The following PIWIL2 variants were observed in gnomAD, a reference collection of about 807,000 sequenced individuals.
PIWIL2 encodes the protein piwi like RNA-mediated gene silencing 2, also known as piwi-like protein 2.
Under a neutral mutation model 116.5 loss-of-function variants are expected in PIWIL2, and 81 were observed. That is an observed-to-expected ratio of 0.70 (90% CI 0.58 to 0.84). PIWIL2 has a LOEUF of 0.84. Ranked by LOEUF, PIWIL2 falls within the 40% of genes least tolerant of loss-of-function variation. The pLI is 0.00. For synonymous variants in PIWIL2, 489 were observed against 429.5 expected, an observed-to-expected ratio of 1.14 and a Z score of -1.71; for missense variants, 1,272 against 1,212.3, an observed-to-expected ratio of 1.05 and a Z score of -0.73.
chr8:22,310,145 G>T, intron 15 of PIWIL2, 71 bp downstream of exon 15: 1 of 789,314 alleles, frequency 1.3e-6, no homozygotes, highest in South Asian at 1.6e-5. Context: ...AAGCAGGAAT[G>T]ATCTAGAGTC....
chr8:22,312,664 A>G (rs956611168), intron 16 of PIWIL2, among the ~76,000 whole-genome samples: 11 of 151,948 alleles, frequency 7.2e-5, no homozygotes, highest in African/African-American at 2.7e-4. Context: ...TTTAGACACA[A>G]AGTCTTGACT....
chr8:22,328,822 T>TTG (rs1465101894), intron 20 of PIWIL2, among the ~76,000 whole-genome samples: 1 of 150,640 alleles, frequency 6.6e-6, no homozygotes, highest in East Asian at 1.9e-4. Context: ...CTAGTCGTTT[T>TTG]TTTTTTTTTT....
At chr8:22,343,138 C>T (rs1198214648) in intron 20 of PIWIL2, among the ~76,000 whole-genome samples, 2 of 152,046 alleles carry the variant, frequency 1.3e-5, no homozygotes, top group South Asian at 2.1e-4. Flanking sequence ...CGCAGTGGCT[C>T]ACACCTGTAA....
chr8:22,286,556 C>T (rs1830632829), intron 6 of PIWIL2, among the ~76,000 whole-genome samples: 1 of 151,938 alleles, frequency 6.6e-6, no homozygotes, highest in African/African-American at 2.4e-5. Context: ...TTAGGGAGGC[C>T]GAGGAGGGAG....
intron 20 of PIWIL2, among the ~76,000 whole-genome samples, chr8:22,324,847 C>T (rs1293238357): frequency 2.0e-5 from 3 of 152,128 alleles, no homozygotes; most frequent in Non-Finnish European, 4.4e-5. Context: ...AATCTGAAGA[C>T]ACGGAGAACA....
intron 20 of PIWIL2, among the ~76,000 whole-genome samples, chr8:22,319,657 C>T (rs921509820): frequency 2.0e-5 from 3 of 152,180 alleles, no homozygotes; most frequent in Non-Finnish European, 2.9e-5. Flanking sequence ...CAAGGCACAG[C>T]CGAGGGCTCC....
In PIWIL2 at chr8:22,311,260, A is replaced by G. The variant is rs762282348; in HGVS notation, c.1949A>G (p.Glu650Gly). The G allele has an allele frequency of 1.2e-6, 2 of 1,614,120 alleles. No individual in the cohort carries two copies. The highest frequency in any genetic ancestry group is 2.2e-5 in the East Asian group (1 of 44,882). ...GTTGAACTAAAGGATGACCGAATAG[A>G]GACTTATGTCAGAACCATTCAATCC... is the stretch of plus-strand genomic sequence containing the variant. ...AWVELKDDRI[E>G]TYVRTIQSTL... Residue 650 changes from glutamate to glycine, a missense_variant, in exon 16 of 23, where the codon GAG (glutamate) becomes GGG (glycine). Coordinates refer to ENST00000356766, the MANE Select transcript of PIWIL2 (RefSeq NM_018068.5).
At chr8:22,306,211 A>C (rs1027497778) in intron 13 of PIWIL2, among the ~76,000 whole-genome samples, 195 bp downstream of exon 13, 1 of 152,248 alleles carries the variant, frequency 6.6e-6, no homozygotes, top group Non-Finnish European at 1.5e-5. Context: ...CACGATGTGA[A>C]AAAGCATATC....
chr8:22,306,864 C>G (rs976637287), intron 13 of PIWIL2, among the ~76,000 whole-genome samples: 1 of 152,214 alleles, frequency 6.6e-6, no homozygotes, highest in African/African-American at 2.4e-5. Context: ...CCCCTGTAGA[C>G]TTACTGACCC....
At chr8:22,311,479 C>T (rs772925076) in intron 16 of PIWIL2, among the ~76,000 whole-genome samples, 179 bp downstream of exon 16, 1 of 152,202 alleles carries the variant, frequency 6.6e-6, no homozygotes, top group Non-Finnish European at 1.5e-5. Context: ...AATTTTGCTT[C>T]TCTCACTCTG....
chr8:22,287,648 GA>G lies in PIWIL2; in HGVS notation c.861+4del. ...ATCTGCCTGTTAAGCTTCAACAAGT[GA>G]GACCAAACAGGAAATGGACTTTGAG... On this transcript the variant is annotated splice_donor_region_variant and intron_variant, in intron 7 of 22. Transcript: ENST00000356766. 6.5e-7 allele frequency: 1 copy of G among 1,548,216 alleles called. No homozygotes were observed. Among genetic ancestry groups the G allele is most frequent in the Non-Finnish European group, 8.9e-7 (1 of 1,119,846 alleles).
intron 20 of PIWIL2, among the ~76,000 whole-genome samples, chr8:22,351,536 GT>G (rs571729759): frequency 0.08 from 8,173 of 102,658 alleles, 336 homozygotes; most frequent in Admixed American, 0.13. Context: ...TTTTTTTTTT[GT>G]TTTTTTGTTT....
At chr8:22,296,900 C>A (rs1402809382) in intron 10 of PIWIL2, among the ~76,000 whole-genome samples, 1 of 152,082 alleles carries the variant, frequency 6.6e-6, no homozygotes, top group Non-Finnish European at 1.5e-5. Context: ...AAATGTTTTC[C>A]AACTTGCCTT....
In PIWIL2 at chr8:22,357,101, A is replaced by C. The variant is rs1374847924; in HGVS notation, c.*1596A>C. ...CGTAAAATGTGCTCACTTCAGCAGC[A>C]CATATACTAAAATTAAAATGATATA... On this transcript the variant is annotated 3_prime_UTR_variant, in exon 23 of 23. Transcript: ENST00000356766. 1.3e-5 allele frequency: 2 copies of C among 152,256 alleles called. No individual in the cohort carries two copies. The highest frequency in any genetic ancestry group is 4.8e-5 in the African/African-American group (2 of 41,472). 9.4% of individuals were successfully genotyped at this position (152,256 alleles called of 1,614,324 possible).
At chr8:22,285,273 A>G (rs1488739624) in intron 6 of PIWIL2, among the ~76,000 whole-genome samples, 1 of 152,176 alleles carries the variant, frequency 6.6e-6, no homozygotes, top group Non-Finnish European at 1.5e-5. Context: ...CTCTCTGTTC[A>G]CAATGAGTTC....
rs1563437733 is a variant in PIWIL2, at chr8:22,353,141, G to C, written c.2586G>C (p.Leu862=). 5 of 1,613,698 alleles carry C rather than the reference G, an allele frequency of 3.1e-6. No homozygotes were observed. Among genetic ancestry groups the C allele is most frequent in the Non-Finnish European group, 4.2e-6 (5 of 1,179,606 alleles). The change falls in exon 21 of 23, where the codon CTG becomes CTC. Residue 862 remains leucine (L), a synonymous_variant. Transcript: ENST00000356766. The part of the protein sequence containing the change: ...VQKKISTNLY[L]AAPQNFVTPT... Reference sequence around the variant, plus strand: ...AGAAAATCAGTACTAATCTATATCTGGCTGCTCCTCAGAACTTTGTAACTC... The same window carrying C: ...AGAAAATCAGTACTAATCTATATCTCGCTGCTCCTCAGAACTTTGTAACTC...
chr8:22,341,170 C>T (rs187072549), intron 20 of PIWIL2, among the ~76,000 whole-genome samples: 3 of 152,096 alleles, frequency 2.0e-5, no homozygotes, highest in South Asian at 2.1e-4. Context: ...GGTTTTATTC[C>T]GGTTATGCAA....
chr8:22,355,224 C>T (rs1202077372), intron 22 of PIWIL2, 125 bp from the exon 23 acceptor site: 1 of 798,904 alleles, frequency 1.3e-6, no homozygotes, highest in Non-Finnish European at 2.0e-6. Context: ...ATCATGTATT[C>T]CTCTGCTCCC....
chr8:22,306,943 A>T (rs772301252), intron 13 of PIWIL2, among the ~76,000 whole-genome samples: 23 of 152,200 alleles, frequency 1.5e-4, no homozygotes, highest in Non-Finnish European at 3.1e-4. Context: ...GAAAGAACTC[A>T]CTTATGTGAT....
Sources: gnomAD v4.1 joint callset for allele counts (sites outside exome capture counted in the v4.1 genomes callset) on GRCh38, gnomAD v4.1.1 for gene constraint, MANE v1.5 for transcripts, NCBI Gene and HGNC (gene_info 2026-07-23, HGNC 2026-07-21) for gene names.